Variants in ADGRL3 observed in about 807,000 individuals in gnomAD.
The protein encoded by ADGRL3 is calcium-independent alpha-latrotoxin receptor 3.
Under a neutral mutation model 153.5 loss-of-function variants are expected in ADGRL3, and 62 were observed. That is an observed-to-expected ratio of 0.40 (90% confidence interval 0.33 to 0.50). ADGRL3 has a LOEUF of 0.50. ADGRL3 is among the 20% of genes least tolerant of loss of function. The pLI, the probability that ADGRL3 is intolerant of heterozygous loss-of-function variation, is 0.47. For missense variants in ADGRL3, 1,641 were observed against 1,859.4 expected, an observed-to-expected ratio of 0.88 and a Z score of 2.16; for synonymous variants, 710 against 672.5, an observed-to-expected ratio of 1.06 and a Z score of -0.86.
intron 4 of ADGRL3, among the ~76,000 whole-genome samples, chr4:61,532,551 C>CTT (rs1553956719): frequency 7.7e-6 from 1 of 130,224 alleles, no homozygotes; most frequent in East Asian, 2.5e-4. Flanking sequence ...CGCGCGCGCG[C>CTT]GCGCGTGTGT....
chr4:61,499,466 C>G (rs1049584628), intron 3 of ADGRL3, among the ~76,000 whole-genome samples: 1 of 151,958 alleles, frequency 6.6e-6, no homozygotes, highest in Non-Finnish European at 1.5e-5. Flanking sequence ...TTCTAATTAT[C>G]CATATATGTA....
intron 23 of ADGRL3, among the ~76,000 whole-genome samples, chr4:62,036,902 G>A (rs1439140294): frequency 1.3e-5 from 2 of 151,692 alleles, no homozygotes; most frequent in East Asian, 1.9e-4. Flanking sequence ...TTAAATAGGC[G>A]GTAATAAAAA....
intron 21 of ADGRL3, among the ~76,000 whole-genome samples, chr4:62,021,740 T>C (rs2099239324): frequency 6.6e-6 from 1 of 152,148 alleles, no homozygotes; most frequent in Admixed American, 6.6e-5. Context: ...CTGTGGTTAC[T>C]GATCTTTGAT....
rs1415511749 is a variant in ADGRL3, at chr4:61,892,899, T to A, written c.1724T>A (p.Met575Lys). 2 of 1,585,812 alleles carry A rather than the reference T, an allele frequency of 1.3e-6. No homozygotes were observed. The highest frequency in any genetic ancestry group is 1.4e-5 in the African/African-American group (1 of 73,488). Residue 575 changes from methionine to lysine, a missense_variant, in exon 10 of 27, where the codon ATG becomes AAG. Met to Lys is a moderately conservative substitution (Grantham distance 95). Transcript: ENST00000683033. ...GAGGCTGTGGAAGCCCGAGAAATCA[T>A]GTGGTTTAAGACTCGTCAAGGACAG... ...SCEAVEAREI[M>K]WFKTRQGQIA...
At chr4:61,238,733 AT>A (rs1369616338) in intron 1 of ADGRL3, among the ~76,000 whole-genome samples, 3 of 152,110 alleles carry the variant, frequency 2.0e-5, no homozygotes, top group Admixed American at 2.0e-4. Context: ...TAAAATGAAG[AT>A]TCTAATAGAA....
At chr4:61,805,094 T>A (rs185827745) in intron 8 of ADGRL3, among the ~76,000 whole-genome samples, 1 of 152,082 alleles carries the variant, frequency 6.6e-6, no homozygotes, top group African/African-American at 2.4e-5. Flanking sequence ...TAGCTGGGAC[T>A]ACAGGTGCAT....
At chr4:62,005,700 G>A (rs1422442604) in intron 21 of ADGRL3, among the ~76,000 whole-genome samples, 2 of 151,796 alleles carry the variant, frequency 1.3e-5, no homozygotes, top group Non-Finnish European at 2.9e-5. Flanking sequence ...CTATTCATAA[G>A]ACTATAGTTT....
chr4:61,519,898 T>A (rs982680694), intron 4 of ADGRL3, among the ~76,000 whole-genome samples: 3 of 152,186 alleles, frequency 2.0e-5, no homozygotes, highest in Non-Finnish European at 1.5e-5. Flanking sequence ...CAATCTTTGA[T>A]TCAAAAACAA....
intron 5 of ADGRL3, among the ~76,000 whole-genome samples, chr4:61,600,897 T>C (rs545827467): frequency 3.2e-4 from 48 of 152,370 alleles, no homozygotes; most frequent in African/African-American, 1.2e-3. Context: ...TTTAATTATT[T>C]TCTTATATGA....
chr4:61,629,401 A>G (rs183059894), intron 5 of ADGRL3, among the ~76,000 whole-genome samples: 3 of 151,962 alleles, frequency 2.0e-5, no homozygotes, highest in Non-Finnish European at 2.9e-5. Flanking sequence ...AAGTTGTTCT[A>G]TATGGTTTTT....
chr4:61,445,856 G>A (rs1489917946), intron 2 of ADGRL3, among the ~76,000 whole-genome samples: 1 of 152,140 alleles, frequency 6.6e-6, no homozygotes, highest in Non-Finnish European at 1.5e-5. Flanking sequence ...ATTGCCTAGT[G>A]ACATCGTGAT....
intron 6 of ADGRL3, among the ~76,000 whole-genome samples, chr4:61,723,843 C>T (rs1384783226): frequency 1.3e-5 from 2 of 151,978 alleles, no homozygotes; most frequent in Admixed American, 6.6e-5. Context: ...AAAGCCTTAC[C>T]GAGGACTCCT....
intron 21 of ADGRL3, among the ~76,000 whole-genome samples, chr4:62,005,009 T>C (rs2099152858): frequency 6.6e-6 from 1 of 152,090 alleles, no homozygotes; most frequent in African/African-American, 2.4e-5. Context: ...CAACATTGTG[T>C]GGAGCTTTGT....
chr4:61,486,241 G>T (rs1441769796), intron 2 of ADGRL3, among the ~76,000 whole-genome samples: 1 of 152,044 alleles, frequency 6.6e-6, no homozygotes, highest in Non-Finnish European at 1.5e-5. Context: ...ACCATACCCG[G>T]CTATGGAATT....
chr4:61,598,458 CA>C (rs1442096474), intron 5 of ADGRL3, among the ~76,000 whole-genome samples: 1 of 152,098 alleles, frequency 6.6e-6, no homozygotes, highest in Non-Finnish European at 1.5e-5. Flanking sequence ...ATATCAGCAA[CA>C]AACAACAAAA....
chr4:61,634,834 A>G (rs2093346392), intron 5 of ADGRL3, among the ~76,000 whole-genome samples: 1 of 152,176 alleles, frequency 6.6e-6, no homozygotes, highest in African/African-American at 2.4e-5. Flanking sequence ...TAAAATCCAA[A>G]TGTGATCCCT....
intron 4 of ADGRL3, among the ~76,000 whole-genome samples, chr4:61,585,072 C>A (rs769422388): frequency 1.3e-5 from 2 of 151,706 alleles, no homozygotes; most frequent in African/African-American, 4.9e-5. Context: ...TTATAACCAA[C>A]CTTTAATTGT....
intron 17 of ADGRL3, among the ~76,000 whole-genome samples, chr4:61,975,466 T>G (rs1294201406): frequency 6.6e-6 from 1 of 151,990 alleles, no homozygotes; most frequent in Non-Finnish European, 1.5e-5. Context: ...AAGGGAAAAA[T>G]AGGAAATGAT....
intron 5 of ADGRL3, among the ~76,000 whole-genome samples, chr4:61,670,073 A>G (rs1471351629): frequency 6.6e-6 from 1 of 152,150 alleles, no homozygotes; most frequent in African/African-American, 2.4e-5. Flanking sequence ...AGGCAGGTGG[A>G]TCATGAGGTC....
Sources: gnomAD v4.1 joint callset for allele counts (sites outside exome capture counted in the v4.1 genomes callset) on GRCh38, gnomAD v4.1.1 for gene constraint, MANE v1.5 for transcripts, NCBI Gene and HGNC (gene_info 2026-07-23, HGNC 2026-07-21) for gene names.